Variants in ANKRD44 observed in about 807,000 individuals in gnomAD.
The protein encoded by ANKRD44 is ankyrin repeat domain 44.
ANKRD44 carries 35 observed loss-of-function variants against 116.0 expected under a neutral mutation model. The observed-to-expected ratio is 0.30, with a 90% CI of 0.23 to 0.40. The LOEUF is 0.40. ANKRD44 is among the 10% of genes least tolerant of loss of function. The pLI, the probability that ANKRD44 is intolerant of heterozygous loss-of-function variation, is 1.00. For synonymous variants in ANKRD44, 435 were observed against 461.8 expected, an observed-to-expected ratio of 0.94 and a Z score of 0.74; for missense variants, 1,014 against 1,242.6, an observed-to-expected ratio of 0.82 and a Z score of 2.77.
intron 16 of ANKRD44, among the ~76,000 whole-genome samples, chr2:197,037,661 G>C (rs1333616872): frequency 1.3e-5 from 2 of 152,190 alleles, no homozygotes; most frequent in Non-Finnish European, 2.9e-5. Context: ...TCTGAAGCTG[G>C]ATGCAGTGGC....
chr2:197,016,490 C>A (rs7561281), intron 17 of ANKRD44, among the ~76,000 whole-genome samples: 105,244 of 152,058 alleles, frequency 0.69, 40,652 homozygotes, highest in East Asian at 0.96. Flanking sequence ...TAAAGAAGAT[C>A]ACTATTAATT....
intron 1 of ANKRD44, among the ~76,000 whole-genome samples, chr2:197,292,554 T>C (rs2083603011): frequency 6.6e-6 from 1 of 152,236 alleles, no homozygotes; most frequent in Non-Finnish European, 1.5e-5. Context: ...ATTTGTATTA[T>C]GCCAGGAATT....
At chr2:197,193,443 T>A (rs188829935) in intron 1 of ANKRD44, among the ~76,000 whole-genome samples, 3 of 152,322 alleles carry the variant, frequency 2.0e-5, no homozygotes, top group Non-Finnish European at 4.4e-5. Context: ...AATGTTAATT[T>A]TTATTGACCT....
chr2:197,148,180 G>A (rs1451714067), intron 2 of ANKRD44, among the ~76,000 whole-genome samples: 1 of 152,182 alleles, frequency 6.6e-6, no homozygotes, highest in East Asian at 1.9e-4. Flanking sequence ...GCACAGCAGT[G>A]CTCCATACGA....
chr2:197,008,130 T>C (rs930749126), intron 19 of ANKRD44, among the ~76,000 whole-genome samples: 1 of 152,140 alleles, frequency 6.6e-6, no homozygotes, highest in Non-Finnish European at 1.5e-5. Flanking sequence ...ATGTTGTTAG[T>C]GGAATGATCC....
chr2:197,112,736 G>GA (rs202097693), intron 8 of ANKRD44, among the ~76,000 whole-genome samples: 5 of 147,720 alleles, frequency 3.4e-5, no homozygotes, highest in African/African-American at 7.4e-5. Flanking sequence ...AAAAAGAAAA[G>GA]AAAAAAAAAG....
At chr2:197,133,709 CA>C (rs2079144670) in intron 4 of ANKRD44, among the ~76,000 whole-genome samples, 1 of 152,104 alleles carries the variant, frequency 6.6e-6, no homozygotes, top group Non-Finnish European at 1.5e-5. Flanking sequence ...TCCAAAATAC[CA>C]GTCCAAACCT....
chr2:197,122,720 G>A lies in ANKRD44; in HGVS notation c.623C>T (p.Thr208Ile), dbSNP rs754210694. ...EVTCKDKKGY[T>I]PLHAAASNGQ... ...ATTGGAGGCTGCAGCATGCAGAGGGGTATAACCCTTCTTATCCTTACAGGT... is the reference window on the plus strand; with the variant it reads ...ATTGGAGGCTGCAGCATGCAGAGGGATATAACCCTTCTTATCCTTACAGGT... Residue 208 changes from threonine to isoleucine, a missense_variant, in exon 7 of 28, where the codon ACC becomes ATC. Coordinates refer to ENST00000282272, the MANE Select transcript of ANKRD44 (RefSeq NM_001195144.2). 2.5e-6 allele frequency: 4 copies of A among 1,614,196 alleles called. No individual in the cohort carries two copies. Among genetic ancestry groups the A allele is most frequent in the Non-Finnish European group, 8.5e-7 (1 of 1,180,018 alleles).
intron 1 of ANKRD44, among the ~76,000 whole-genome samples, chr2:197,197,534 G>A (rs1046914725): frequency 6.6e-6 from 1 of 151,934 alleles, no homozygotes; most frequent in Non-Finnish European, 1.5e-5. Context: ...CTGGAGGCCG[G>A]GCGCAGTAGC....
At chr2:197,055,302 T>C (rs1462641114) in intron 16 of ANKRD44, among the ~76,000 whole-genome samples, 1 of 152,232 alleles carries the variant, frequency 6.6e-6, no homozygotes, top group Non-Finnish European at 1.5e-5. Flanking sequence ...TTTTTTCTTA[T>C]TGGCTTTTAA....
chr2:197,121,898 G>A (rs1384114628), intron 7 of ANKRD44, among the ~76,000 whole-genome samples: 1 of 152,180 alleles, frequency 6.6e-6, no homozygotes, highest in Non-Finnish European at 1.5e-5. Flanking sequence ...CTCTAGGATT[G>A]GGGCACAGAA....
At chr2:197,270,777 G>A (rs1027613374) in intron 1 of ANKRD44, among the ~76,000 whole-genome samples, 7 of 152,168 alleles carry the variant, frequency 4.6e-5, no homozygotes, top group East Asian at 1.9e-4. Context: ...AGTGGGTACC[G>A]GCAGGCAGGA....
chr2:197,262,865 A>G (rs1042445444), intron 1 of ANKRD44, among the ~76,000 whole-genome samples: 2 of 96,216 alleles, frequency 2.1e-5, no homozygotes, highest in Admixed American at 2.3e-4. Context: ...AGATCACGCC[A>G]CTGCACTCCA....
At chr2:196,992,881 A>G (rs1279177566) in intron 27 of ANKRD44, 1 of 152,692 alleles carries the variant, frequency 6.5e-6, no homozygotes, top group Non-Finnish European at 1.5e-5. Flanking sequence ...TTTAAAAATT[A>G]CATAATTCAT....
rs914114780 is a variant in ANKRD44, at chr2:197,016,809, G to A, written c.1723-3097C>T. ...AACCAAGTCTCCTCTTATGTCACTC[G>A]CACTTTTTATTTTTTTACTGCAGCT... is the stretch of plus-strand genomic sequence containing the variant. On this transcript the variant is annotated intron_variant, in intron 17 of 27. Coordinates refer to ENST00000282272, the MANE Select transcript of ANKRD44 (RefSeq NM_001195144.2). 5.3e-5 allele frequency among the ~76,000 whole-genome samples: 8 copies of A among 152,014 alleles called. No individual in the cohort carries two copies. In the South Asian group the frequency reaches 1.2e-3, roughly 24 times the overall value.
In ANKRD44 at chr2:197,260,103, C is replaced by T. The variant is rs1218435809; in HGVS notation, c.27+50475G>A. On this transcript the variant is annotated intron_variant, in intron 1 of 27. Coordinates refer to ENST00000282272, the MANE Select transcript of ANKRD44 (RefSeq NM_001195144.2). ...TTTTTAAAATTTTATTATTATTATA[C>T]TTTAAGTTTTAGGGTACATGTGCAC... is the stretch of plus-strand genomic sequence containing the variant. Among the ~76,000 whole-genome samples the T allele has an allele frequency of 2.6e-5, 4 of 152,234 alleles. No individual in the cohort carries two copies. The East Asian group carries it at 5.8e-4, about 22-fold the overall frequency.
intron 27 of ANKRD44, 86 bp downstream of exon 27, chr2:196,993,497 A>G: frequency 9.0e-7 from 1 of 1,107,838 alleles, no homozygotes; most frequent in Non-Finnish European, 1.3e-6. Context: ...AGTGCCTTTT[A>G]TACTAGCTCC....
At chr2:196,969,246 C>G (rs2075697558) in intron 21 of ANKRD44, among the ~76,000 whole-genome samples, 1 of 152,124 alleles carries the variant, frequency 6.6e-6, no homozygotes, top group African/African-American at 2.4e-5. Flanking sequence ...AAAGGAGTCT[C>G]AATTCAATTT....
intron 16 of ANKRD44, among the ~76,000 whole-genome samples, chr2:197,050,793 A>G (rs1434284395): frequency 6.6e-6 from 1 of 152,132 alleles, no homozygotes; most frequent in African/African-American, 2.4e-5. Flanking sequence ...GGCTAATTAA[A>G]TTATATTACT....
Sources: allele counts gnomAD v4.1 joint callset (sites outside exome capture counted in the v4.1 genomes callset), GRCh38; gene constraint gnomAD v4.1.1; transcripts MANE v1.5; gene names NCBI Gene and HGNC (gene_info 2026-07-23, HGNC 2026-07-21).